ZFPM1: variants seen among roughly 807,000 people sequenced by gnomAD.
The protein encoded by ZFPM1 is zinc finger protein ZFPM1.
ZFPM1 carries 28 observed loss-of-function variants against 46.3 expected under a neutral mutation model. The observed-to-expected ratio is 0.60, with a 90% CI of 0.45 to 0.83. The LOEUF is 0.83. ZFPM1 is among the 40% of genes least tolerant of loss of function. The pLI, the probability that ZFPM1 is intolerant of heterozygous loss-of-function variation, is 0.00. For synonymous variants in ZFPM1, 957 were observed against 675.9 expected (o/e 1.42, Z -6.45); for missense variants, 1,878 against 1,432.4 (o/e 1.31, Z -5.02).
rs1304379562 is a variant in ZFPM1, at chr16:88,453,792, C to A, written c.40+114C>A. On this transcript the variant is annotated intron_variant, in intron 1 of 9. Transcript: ENST00000319555. ...TGCCCTGGGCGCCGGCGACCTTCAC[C>A]CCGCGCCGCGCCCCCCGCGCTGTGC... 4 of 569,204 alleles carry A rather than the reference C, an allele frequency of 7.0e-6. No individual in the cohort carries two copies. In the East Asian group the frequency reaches 4.5e-4, roughly 65 times the overall value. 35.3% of individuals were successfully genotyped at this position (569,204 alleles called of 1,614,324 possible). A position where few individuals can be genotyped will look rare whatever the true frequency, so the allele number is the denominator to read the frequency against.
chr16:88,454,653 C>T (rs1907454923), intron 1 of ZFPM1, among the ~76,000 whole-genome samples: 1 of 152,258 alleles, frequency 6.6e-6, no homozygotes, highest in Non-Finnish European at 1.5e-5. Flanking sequence ...TGGCCTGGGC[C>T]TCTGGGCTGT....
At chr16:88,494,119 T>C (rs376394295) in intron 3 of ZFPM1, among the ~76,000 whole-genome samples, 2 of 152,056 alleles carry the variant, frequency 1.3e-5, no homozygotes, top group East Asian at 3.9e-4. Flanking sequence ...TTCCCAGACC[T>C]CGGCTGCAGG....
intron 3 of ZFPM1, 106 bp from the exon 4 acceptor site, chr16:88,514,281 C>G: frequency 6.7e-7 from 1 of 1,501,942 alleles, no homozygotes; most frequent in Non-Finnish European, 8.9e-7. Flanking sequence ...CACCCCAGGC[C>G]CCCAGGACTG....
At chr16:88,501,476 A>G (rs1442150752) in intron 3 of ZFPM1, among the ~76,000 whole-genome samples, 3 of 112,766 alleles carry the variant, frequency 2.7e-5, no homozygotes, top group South Asian at 3.1e-4. Context: ...GAGATAGCAG[A>G]CATGGGTGCG....
chr16:88,462,118 C>T (rs12922009), intron 1 of ZFPM1, among the ~76,000 whole-genome samples: 13 of 151,866 alleles, frequency 8.6e-5, no homozygotes, highest in African/African-American at 2.7e-4. Context: ...GGCAGAGCCG[C>T]GTGAGCAGAT....
chr16:88,523,520 C>A, intron 4 of ZFPM1, among the ~76,000 whole-genome samples: 1 of 152,108 alleles, frequency 6.6e-6, no homozygotes, highest in Non-Finnish European at 1.5e-5. Flanking sequence ...CGGGCAAGAC[C>A]CTGGTTCAGG....
intron 3 of ZFPM1, among the ~76,000 whole-genome samples, chr16:88,504,581 A>T (rs1910549304): frequency 6.6e-6 from 1 of 152,186 alleles, no homozygotes; most frequent in African/African-American, 2.4e-5. Context: ...GACACCGCCC[A>T]GGGTGCATGG....
intron 3 of ZFPM1, among the ~76,000 whole-genome samples, chr16:88,491,140 G>A (rs76353415): frequency 0.02 from 3,012 of 151,188 alleles, 48 homozygotes; most frequent in South Asian, 0.053. Context: ...TCAGGCCTTC[G>A]CTGCGGAGTC....
At chr16:88,521,082 A>G (rs996900527) in intron 4 of ZFPM1, among the ~76,000 whole-genome samples, 1 of 108,324 alleles carries the variant, frequency 9.2e-6, no homozygotes, top group African/African-American at 2.8e-5. Flanking sequence ...TGGATGGATG[A>G]TTAGGTGGGT....
chr16:88,530,086 G>A (rs1037873423), intron 6 of ZFPM1, among the ~76,000 whole-genome samples: 2 of 152,110 alleles, frequency 1.3e-5, no homozygotes, highest in African/African-American at 4.8e-5. Context: ...CCCTGAAGAA[G>A]GCACGGAGGG....
In ZFPM1 at chr16:88,533,492, A is replaced by C; in HGVS notation, c.1534A>C (p.Ser512Arg). The stretch of plus-strand genomic sequence containing the variant: ...GCTGTCCAGCCCCACGCCGGGCTCC[A>C]GCCCGGTGCCCGGCGAGCTGGGCCT... Reference protein sequence around the residue: ...AELSSPTPGSSPVPGELGLAG... With the variant: ...AELSSPTPGSRPVPGELGLAG... Residue 512 changes from serine to arginine, a missense_variant, in exon 10 of 10, where the codon AGC becomes CGC. By Grantham distance (110) the Ser-to-Arg change is moderately radical. Coordinates refer to ENST00000319555, the MANE Select transcript of ZFPM1 (RefSeq NM_153813.3). The C allele has an allele frequency of 7.1e-7, 1 of 1,401,944 alleles. No homozygotes were observed. Among genetic ancestry groups the C allele is most frequent in the Non-Finnish European group, 9.2e-7 (1 of 1,084,254 alleles). The allele number at this position is 1,401,944 out of a possible 1,614,324, so 86.8% of individuals were successfully genotyped here.
intron 1 of ZFPM1, among the ~76,000 whole-genome samples, chr16:88,455,386 C>T (rs1907498758): frequency 6.6e-6 from 1 of 152,104 alleles, no homozygotes; most frequent in Non-Finnish European, 1.5e-5. Context: ...GGGACCGGGG[C>T]AGAGAAAGGG....
intron 3 of ZFPM1, among the ~76,000 whole-genome samples, chr16:88,494,462 C>T (rs970972335): frequency 4.6e-5 from 7 of 152,124 alleles, no homozygotes; most frequent in Non-Finnish European, 8.8e-5. Context: ...GGTGAGAGGC[C>T]GCGGGCAGAG....
At chr16:88,462,929 G>T (rs938617043) in intron 1 of ZFPM1, among the ~76,000 whole-genome samples, 1 of 152,098 alleles carries the variant, frequency 6.6e-6, no homozygotes, top group African/African-American at 2.4e-5. Flanking sequence ...AGGGCCCCCT[G>T]TGGTCTGTAA....
intron 1 of ZFPM1, among the ~76,000 whole-genome samples, chr16:88,462,567 C>G (rs1212344197): frequency 1.3e-5 from 2 of 152,332 alleles, no homozygotes; most frequent in East Asian, 3.9e-4. Context: ...CCTAGGACCT[C>G]CTGGACTGTC....
chr16:88,507,350 T>C (rs2142413921), intron 3 of ZFPM1, among the ~76,000 whole-genome samples: 1 of 152,324 alleles, frequency 6.6e-6, no homozygotes, highest in South Asian at 2.1e-4. Flanking sequence ...AGCTGAGGTC[T>C]GCCCAGAGGT....
intron 1 of ZFPM1, among the ~76,000 whole-genome samples, chr16:88,482,292 G>A (rs1484325384): frequency 6.6e-6 from 1 of 152,068 alleles, no homozygotes; most frequent in African/African-American, 2.4e-5. Context: ...GACGAGACCG[G>A]TGCTGACTTA....
At chr16:88,470,951 G>A (rs926132494) in intron 1 of ZFPM1, among the ~76,000 whole-genome samples, 1 of 152,116 alleles carries the variant, frequency 6.6e-6, no homozygotes, top group African/African-American at 2.4e-5. Flanking sequence ...GGAAGGGGCG[G>A]GAGACGCAGC....
chr16:88,479,825 C>A (rs1279480375), intron 1 of ZFPM1, among the ~76,000 whole-genome samples: 3 of 144,062 alleles, frequency 2.1e-5, no homozygotes, highest in African/African-American at 7.8e-5. Context: ...CGACCTGTGC[C>A]CCTCTCCGCT....
Sources: gnomAD v4.1 joint callset for allele counts (sites outside exome capture counted in the v4.1 genomes callset) on GRCh38, gnomAD v4.1.1 for gene constraint, MANE v1.5 for transcripts, NCBI Gene and HGNC (gene_info 2026-07-23, HGNC 2026-07-21) for gene names.